SRGAP3: variants seen among roughly 807,000 people sequenced by gnomAD.
The protein encoded by SRGAP3 is SLIT-ROBO Rho GTPase activating protein 3.
In SRGAP3, 39 loss-of-function variants were observed where a neutral mutation model predicts 121.1. The ratio of observed to expected loss-of-function variants is 0.32; its 90% CI spans 0.25 to 0.42. SRGAP3 has a LOEUF of 0.42. Ranked by LOEUF, SRGAP3 falls within the 10% of genes least tolerant of loss-of-function variation. SRGAP3 has a pLI of 1.00. For synonymous variants in SRGAP3, 601 were observed against 570.0 expected (o/e 1.05, Z -0.77); for missense variants, 1,213 against 1,470.6 (o/e 0.82, Z 2.86).
chr3:9,053,657 T>A (rs772981462), intron 8 of SRGAP3, among the ~76,000 whole-genome samples: 1 of 152,224 alleles, frequency 6.6e-6, no homozygotes, highest in Admixed American at 6.5e-5. Context: ...AAGTTGACAA[T>A]GGTGGGCAGC....
rs1354344248 is a variant in SRGAP3, at chr3:9,249,589, G to C, written c.-638C>G. 1 of 236,700 alleles carries C rather than the reference G, an allele frequency of 4.2e-6. No homozygotes were observed. Among genetic ancestry groups the C allele is most frequent in the Non-Finnish European group, 8.3e-6 (1 of 120,034 alleles). 14.7% of individuals were successfully genotyped at this position (236,700 alleles called of 1,614,324 possible). A position where few individuals can be genotyped will look rare whatever the true frequency, so the allele number is the denominator to read the frequency against. On this transcript the variant is annotated 5_prime_UTR_variant, in exon 1 of 22. Coordinates refer to ENST00000383836, the MANE Select transcript of SRGAP3 (RefSeq NM_014850.4). ...TCCAGTGAGGATCAAAGCCAGGAGAGCGAGATGGAAGTTTTCCTGCTGCAA... is the reference window on the plus strand; with the variant it reads ...TCCAGTGAGGATCAAAGCCAGGAGACCGAGATGGAAGTTTTCCTGCTGCAA...
intron 18 of SRGAP3, chr3:9,008,471 C>G (rs341789): frequency 0.82 from 124,551 of 152,418 alleles, 51,732 homozygotes; most frequent in African/African-American, 0.94. Context: ...GAGCAAGCTA[C>G]AGGGAGAGAT....
At chr3:9,185,218 C>CTGGAT (rs1951557535) in intron 1 of SRGAP3, among the ~76,000 whole-genome samples, 1 of 152,204 alleles carries the variant, frequency 6.6e-6, no homozygotes, top group African/African-American at 2.4e-5. Flanking sequence ...CTTTGCCTGC[C>CTGGAT]TGGATTCCAA....
At chr3:9,096,980 TAC>T (rs60792299) in intron 3 of SRGAP3, among the ~76,000 whole-genome samples, 8,625 of 69,652 alleles carry the variant, frequency 0.12, 529 homozygotes, top group Non-Finnish European at 0.17. Context: ...TATATATATA[TAC>T]ACATACACAC....
chr3:9,153,203 T>A (rs1249180515), intron 1 of SRGAP3, among the ~76,000 whole-genome samples: 1 of 152,224 alleles, frequency 6.6e-6, no homozygotes, highest in Admixed American at 6.5e-5. Context: ...TTAATTGCAA[T>A]GACTCCTTCT....
Position 9,002,191 on chromosome 3 carries a change from T to C in SRGAP3, c.2228-7668A>G, listed in dbSNP as rs564732518. On this transcript the variant is annotated intron_variant, in intron 18 of 21. Transcript: ENST00000383836. ...AACAAACCTCAATAATTCAAAATCA[T>C]ACAAATAATACAAAATGTGTTCTTC... Among the ~76,000 whole-genome samples, 31 of 152,266 alleles carry C rather than the reference T, an allele frequency of 2.0e-4. 1 individual carries two copies. The highest frequency in any genetic ancestry group is 7.5e-4 in the African/African-American group (31 of 41,572).
intron 1 of SRGAP3, among the ~76,000 whole-genome samples, chr3:9,204,680 C>A (rs528804739): frequency 6.6e-6 from 1 of 151,852 alleles, no homozygotes; most frequent in East Asian, 1.9e-4. Flanking sequence ...TAAGTGAATG[C>A]ATGATTTTTC....
At chr3:9,288,444 A>G (rs938546268) in intron 3 of SRGAP3, among the ~76,000 whole-genome samples, 1 of 151,034 alleles carries the variant, frequency 6.6e-6, no homozygotes, top group Non-Finnish European at 1.5e-5. Context: ...GCCTTGTTTC[A>G]TTCTATCTTC....
At chr3:9,016,674 C>A (rs1943654755) in intron 14 of SRGAP3, among the ~76,000 whole-genome samples, 1 of 152,176 alleles carries the variant, frequency 6.6e-6, no homozygotes, top group Non-Finnish European at 1.5e-5. Context: ...TCTGAGACGA[C>A]CGTGTGCATG....
intron 2 of SRGAP3, among the ~76,000 whole-genome samples, chr3:9,112,934 G>A (rs1258725956): frequency 6.6e-6 from 1 of 152,230 alleles, no homozygotes; most frequent in Non-Finnish European, 1.5e-5. Context: ...TGCCCCCTGA[G>A]CTCAGACTAG....
chr3:9,219,739 T>G (rs1952744370), intron 1 of SRGAP3, among the ~76,000 whole-genome samples: 1 of 152,130 alleles, frequency 6.6e-6, no homozygotes, highest in African/African-American at 2.4e-5. Flanking sequence ...TAGTCCCAGC[T>G]ACTCATGAGG....
At chr3:9,156,897 AT>A (rs1950435492) in intron 1 of SRGAP3, among the ~76,000 whole-genome samples, 1 of 152,218 alleles carries the variant, frequency 6.6e-6, no homozygotes, top group Non-Finnish European at 1.5e-5. Flanking sequence ...TCAAAGGGGC[AT>A]CCCCTGTACC....
intron 1 of SRGAP3, among the ~76,000 whole-genome samples, chr3:9,334,273 T>C (rs1219900779): frequency 6.6e-6 from 1 of 152,150 alleles, no homozygotes; most frequent in African/African-American, 2.4e-5. Context: ...ATTTCAATGG[T>C]ATTCAATCAT....
intron 1 of SRGAP3, among the ~76,000 whole-genome samples, chr3:9,139,672 ATG>A (rs1305668811): frequency 6.6e-6 from 1 of 152,252 alleles, no homozygotes; most frequent in Non-Finnish European, 1.5e-5. Context: ...GTCAGCAAGT[ATG>A]TGGCAATTTG....
At chr3:9,099,428 A>G (rs1488565226) in intron 3 of SRGAP3, among the ~76,000 whole-genome samples, 1 of 152,242 alleles carries the variant, frequency 6.6e-6, no homozygotes, top group Non-Finnish European at 1.5e-5. Flanking sequence ...AGAAAACAGA[A>G]TGAGGCTGGA....
chr3:9,169,684 C>T (rs1261765485), intron 1 of SRGAP3, among the ~76,000 whole-genome samples: 2 of 152,202 alleles, frequency 1.3e-5, no homozygotes, highest in Non-Finnish European at 2.9e-5. Flanking sequence ...TAGGCCAACA[C>T]CTTGTGAAGT....
chr3:8,985,397 C>T lies in SRGAP3; in HGVS notation c.*122G>A. 1 of 1,498,564 alleles carries T rather than the reference C, an allele frequency of 6.7e-7. No individual in the cohort carries two copies. Among genetic ancestry groups the T allele is most frequent in the African/African-American group, 1.4e-5 (1 of 71,668 alleles). The allele number at this position is 1,498,564 out of a possible 1,614,324, so 92.8% of individuals were successfully genotyped here. A position where few individuals can be genotyped will look rare whatever the true frequency, so the allele number is the denominator to read the frequency against. ...GGGCCTCAGCTCTGCACAGACACAC[C>T]CTCCCAGACGGACCTCTGCCCTCCA... On this transcript the variant is annotated 3_prime_UTR_variant, in exon 22 of 22. Transcript: ENST00000383836. The surrounding 1 kb of genome is among the most constrained non-coding windows in gnomAD (Gnocchi z 5.1).
intron 1 of SRGAP3, among the ~76,000 whole-genome samples, chr3:9,356,458 T>G (rs2030519363): frequency 7.1e-6 from 1 of 140,172 alleles, no homozygotes; most frequent in East Asian, 2.3e-4. Context: ...CTGAAAGTGC[T>G]GCCTCCCGGG....
intron 3 of SRGAP3, among the ~76,000 whole-genome samples, chr3:9,097,110 C>G (rs567603390): frequency 6.6e-6 from 1 of 151,102 alleles, no homozygotes; most frequent in Non-Finnish European, 1.5e-5. Flanking sequence ...CCAGCCTCAG[C>G]CTTGCAAGTA....
Sources: gnomAD v4.1 joint callset for allele counts (sites outside exome capture counted in the v4.1 genomes callset) on GRCh38, gnomAD v4.1.1 for gene constraint, Gnocchi (gnomAD v3.1) non-coding constraint, MANE v1.5 for transcripts, NCBI Gene and HGNC (gene_info 2026-07-23, HGNC 2026-07-21) for gene names.